The following NSUN7 variants were observed in gnomAD, a reference collection of about 807,000 sequenced individuals.
The protein encoded by NSUN7 is protein NSUN7.
In NSUN7, 39 loss-of-function variants were observed where a neutral mutation model predicts 58.5. The observed-to-expected ratio is 0.67, with a 90% CI of 0.52 to 0.87. NSUN7 has a LOEUF of 0.87. Ranked by LOEUF, NSUN7 falls within the 40% of genes least tolerant of loss-of-function variation. The pLI is 0.00. For synonymous variants in NSUN7, 278 were observed against 303.7 expected, an observed-to-expected ratio of 0.92 and a Z score of 0.88; for missense variants, 765 against 844.1, an observed-to-expected ratio of 0.91 and a Z score of 1.16.
chr4:40,789,995 A>G (rs1345409921), intron 7 of NSUN7, among the ~76,000 whole-genome samples: 1 of 151,746 alleles, frequency 6.6e-6, no homozygotes, highest in Admixed American at 6.6e-5. Context: ...TTGATGTTTT[A>G]CACCAGTTTG....
intron 10 of NSUN7, among the ~76,000 whole-genome samples, chr4:40,799,855 T>TA (rs1039637144): frequency 6.6e-6 from 1 of 152,192 alleles, no homozygotes; most frequent in Non-Finnish European, 1.5e-5. Flanking sequence ...ATCCCAGAAA[T>TA]ATTCAGCTCA....
At chr4:40,778,141 TG>T (rs1439821473) in intron 7 of NSUN7, among the ~76,000 whole-genome samples, 3 of 152,020 alleles carry the variant, frequency 2.0e-5, no homozygotes, top group African/African-American at 7.3e-5. Flanking sequence ...GACTTAAGCA[TG>T]GGGAGACAAA....
intron 10 of NSUN7, among the ~76,000 whole-genome samples, chr4:40,801,915 A>AAG (rs1553919958): frequency 7.3e-5 from 11 of 150,446 alleles, no homozygotes; most frequent in Admixed American, 6.0e-4. Context: ...AAAAAAAAAA[A>AAG]AAAAGAAAAG....
Position 40,803,202 on chromosome 4 carries a change from T to A in NSUN7, c.1401-3859T>A, listed in dbSNP as rs546318109. 4.6e-5 allele frequency among the ~76,000 whole-genome samples: 7 copies of A among 152,202 alleles called. No homozygotes were observed. The South Asian group carries it at 1.2e-3, about 27-fold the overall frequency. ...AGTCTATCATTGTTGGACATTTGGG[T>A]TGGTTCCAAGTCTTTGCTATTGTGA... is the stretch of plus-strand genomic sequence containing the variant. On this transcript the variant is annotated intron_variant, in intron 10 of 11. Transcript: ENST00000381782.
At chr4:40,769,928 G>A (rs1385992920) in intron 4 of NSUN7, among the ~76,000 whole-genome samples, 4 of 152,324 alleles carry the variant, frequency 2.6e-5, no homozygotes, top group African/African-American at 9.6e-5. Flanking sequence ...ATGCAATCAA[G>A]GTCAGGCGTG....
rs1168667239 is a variant in NSUN7, at chr4:40,809,121, C to T, written c.*182C>T. ...TGAGAAACAATAATGTAGGAGTCAG[C>T]AAAGCAGAATTCAGAGACTTCAGCC... is the stretch of plus-strand genomic sequence containing the variant. On this transcript the variant is annotated 3_prime_UTR_variant, in exon 12 of 12. Transcript: ENST00000381782. 1.6e-6 allele frequency: 1 copy of T among 637,858 alleles called. No individual in the cohort carries two copies. The highest frequency in any genetic ancestry group is 2.5e-6 in the Non-Finnish European group (1 of 393,718). The allele number at this position is 637,858 out of a possible 1,614,324, so 39.5% of individuals were successfully genotyped here. A position where few individuals can be genotyped will look rare whatever the true frequency, so the allele number is the denominator to read the frequency against.
intron 7 of NSUN7, among the ~76,000 whole-genome samples, chr4:40,780,502 G>A (rs1271653054): frequency 2.0e-5 from 3 of 151,866 alleles, no homozygotes; most frequent in South Asian, 2.1e-4. Flanking sequence ...AGCTACTCAG[G>A]AGGCTGAGGT....
At chr4:40,752,542 T>C (rs1740885967) in intron 2 of NSUN7, among the ~76,000 whole-genome samples, 1 of 152,186 alleles carries the variant, frequency 6.6e-6, no homozygotes, top group African/African-American at 2.4e-5. Flanking sequence ...TGCCTCAGCC[T>C]CCTGAGTAGC....
At chr4:40,772,520 T>C (rs1220799587) in intron 4 of NSUN7, among the ~76,000 whole-genome samples, 2 of 152,192 alleles carry the variant, frequency 1.3e-5, no homozygotes, top group Non-Finnish European at 2.9e-5. Context: ...CACCCTTCCC[T>C]TTCCTTACCA....
chr4:40,773,091 G>A (rs1163954554), intron 4 of NSUN7: 1 of 152,168 alleles, frequency 6.6e-6, no homozygotes, highest in Non-Finnish European at 1.5e-5. Context: ...ACTTAATACA[G>A]ACTCATGAAA....
rs540761669 is a variant in NSUN7, at chr4:40,777,027, AC to A, written c.1036+769del. On this transcript the variant is annotated intron_variant, in intron 7 of 11. Coordinates refer to ENST00000381782, the MANE Select transcript of NSUN7 (RefSeq NM_024677.6). ...CAGCGAGGCTGAAAAACTAAGCAAAACTTTTAACAGATTCACAGGGATAGGG... is the reference window on the plus strand; with the variant it reads ...CAGCGAGGCTGAAAAACTAAGCAAAATTTTAACAGATTCACAGGGATAGGG... Among the ~76,000 whole-genome samples, 23 of 152,306 alleles carry A rather than the reference AC, an allele frequency of 1.5e-4. No homozygotes were observed. The East Asian group carries it at 3.1e-3, about 20-fold the overall frequency.
chr4:40,789,419 G>A (rs901156429), intron 7 of NSUN7, among the ~76,000 whole-genome samples: 1 of 152,152 alleles, frequency 6.6e-6, no homozygotes, highest in Non-Finnish European at 1.5e-5. Flanking sequence ...CTTTTGACAC[G>A]TGTGAGACTG....
intron 3 of NSUN7, 75 bp downstream of exon 3, chr4:40,760,567 T>G (rs1230246926): frequency 1.3e-5 from 16 of 1,268,170 alleles, no homozygotes; most frequent in Non-Finnish European, 6.7e-6. Flanking sequence ...AGCCTTTAGA[T>G]TTAAATAGTT....
At chr4:40,789,169 C>G (rs755947793) in intron 7 of NSUN7, among the ~76,000 whole-genome samples, 2 of 152,122 alleles carry the variant, frequency 1.3e-5, no homozygotes, top group Non-Finnish European at 2.9e-5. Context: ...TATTGGTCTT[C>G]TAAAGATTCA....
At position 40,807,168 on chromosome 4, in the gene NSUN7, CTATTT is replaced by C; in HGVS notation, c.1511_1515del (p.Ile504AsnfsTer8). The C allele has an allele frequency of 6.5e-7, 1 of 1,545,844 alleles. No individual in the cohort carries two copies. The highest frequency in any genetic ancestry group is 8.7e-7 in the Non-Finnish European group (1 of 1,145,610). ...GAAATTACCAATGGTTGTTTTCTTT[CTATTT>C]TAACAAGGGAGGTAAGGAAAAAAAA... On this transcript the variant is annotated frameshift_variant, in exon 11 of 12. Transcript: ENST00000381782. LOFTEE classifies it low-confidence loss of function (END_TRUNC).
intron 7 of NSUN7, among the ~76,000 whole-genome samples, chr4:40,780,794 T>G (rs56008498): frequency 1.1e-5 from 1 of 88,806 alleles, no homozygotes; most frequent in African/African-American, 4.4e-5. Flanking sequence ...CACATACACA[T>G]ATATATATAT....
chr4:40,808,181 C>G, intron 11 of NSUN7, 126 bp from the exon 12 acceptor site: 1 of 1,115,338 alleles, frequency 9.0e-7, no homozygotes, highest in Admixed American at 2.9e-5. Context: ...GGCCTAAAAA[C>G]TATTTCTTAT....
intron 7 of NSUN7, among the ~76,000 whole-genome samples, chr4:40,779,386 A>G (rs2154287923): frequency 6.6e-6 from 1 of 152,202 alleles, no homozygotes; most frequent in South Asian, 2.1e-4. Context: ...GGCGGATCAC[A>G]AGGTCAGGAG....
chr4:40,763,492 C>G (rs1264309731), intron 4 of NSUN7, among the ~76,000 whole-genome samples: 1 of 152,140 alleles, frequency 6.6e-6, no homozygotes, highest in Non-Finnish European at 1.5e-5. Flanking sequence ...ATTTAGGGGA[C>G]TTTCATGTCT....
Sources: gnomAD v4.1 joint callset for allele counts (sites outside exome capture counted in the v4.1 genomes callset) on GRCh38, gnomAD v4.1.1 for gene constraint, MANE v1.5 for transcripts, NCBI Gene and HGNC (gene_info 2026-07-23, HGNC 2026-07-21) for gene names.